The following FOXJ3 variants were observed in gnomAD, a reference collection of about 807,000 sequenced individuals.
The protein encoded by FOXJ3 is forkhead box protein J3.
Under a neutral mutation model 76.1 loss-of-function variants are expected in FOXJ3, and 22 were observed. That is an observed-to-expected ratio of 0.29 (90% CI 0.21 to 0.41). FOXJ3 has a LOEUF of 0.41. Among genes scored for constraint, FOXJ3 ranks in the 10% least tolerant of loss-of-function variants. The probability of loss-of-function intolerance (pLI) is 1.00; values close to 1 mark genes in which losing one functional copy is unlikely to be tolerated. For missense variants in FOXJ3, 613 were observed against 762.1 expected, an observed-to-expected ratio of 0.80 and a Z score of 2.30; for synonymous variants, 269 against 261.2, an observed-to-expected ratio of 1.03 and a Z score of -0.29.
chr1:42,276,311 G>T (rs927013306), intron 3 of FOXJ3, among the ~76,000 whole-genome samples: 1 of 151,966 alleles, frequency 6.6e-6, no homozygotes, highest in Admixed American at 6.6e-5. Flanking sequence ...AGCCGACATG[G>T]TGCCCCTGCA....
intron 2 of FOXJ3, among the ~76,000 whole-genome samples, chr1:42,288,255 G>A (rs1653190315): frequency 6.6e-6 from 1 of 152,150 alleles, no homozygotes; most frequent in South Asian, 2.1e-4. Flanking sequence ...CATCATCTTT[G>A]CAGCCGTAAT....
intron 4 of FOXJ3, among the ~76,000 whole-genome samples, chr1:42,256,173 C>T (rs1650572720): frequency 6.6e-6 from 1 of 152,186 alleles, no homozygotes; most frequent in African/African-American, 2.4e-5. Context: ...CATGACCGTA[C>T]TTGATTTCCT....
At chr1:42,231,282 C>G (rs750526307) in intron 4 of FOXJ3, among the ~76,000 whole-genome samples, 1 of 152,078 alleles carries the variant, frequency 6.6e-6, no homozygotes, top group Non-Finnish European at 1.5e-5. Context: ...GCCGAGATCA[C>G]GCCACTGCAC....
At chr1:42,184,531 A>T (rs1342842226) in intron 11 of FOXJ3, among the ~76,000 whole-genome samples, 1 of 152,082 alleles carries the variant, frequency 6.6e-6, no homozygotes, top group Non-Finnish European at 1.5e-5. Context: ...TTCCTATGTA[A>T]GAAATTAACT....
chr1:42,309,647 T>A lies in FOXJ3; in HGVS notation c.44+1403A>T, dbSNP rs914920270. Among the ~76,000 whole-genome samples the A allele has an allele frequency of 4.6e-5, 7 of 152,344 alleles. No individual in the cohort carries two copies. In the South Asian group the frequency reaches 6.2e-4, roughly 14 times the overall value. Reference sequence around the variant, plus strand: ...TGCTATGCCCCAACATTTAGAATAGTATCTGACAACAGTAGATGCTCAATA... The same window carrying A: ...TGCTATGCCCCAACATTTAGAATAGAATCTGACAACAGTAGATGCTCAATA... On this transcript the variant is annotated intron_variant, in intron 2 of 12. Transcript: ENST00000361346.
chr1:42,207,798 C>G (rs1419463707), intron 5 of FOXJ3, among the ~76,000 whole-genome samples: 3 of 152,148 alleles, frequency 2.0e-5, no homozygotes, highest in African/African-American at 7.2e-5. Context: ...CCAGAGCTAC[C>G]CCTACAAGCT....
intron 4 of FOXJ3, among the ~76,000 whole-genome samples, chr1:42,240,309 T>G (rs181261985): frequency 1.1e-4 from 16 of 152,314 alleles, no homozygotes; most frequent in African/African-American, 3.4e-4. Flanking sequence ...ATAGATTCAA[T>G]GTAAGTCCTA....
chr1:42,214,972 A>T (rs1030494115), intron 5 of FOXJ3, among the ~76,000 whole-genome samples: 1 of 152,250 alleles, frequency 6.6e-6, no homozygotes, highest in Non-Finnish European at 1.5e-5. Context: ...GTGAAAGAGA[A>T]AGCTTACAGT....
At position 42,302,801 on chromosome 1, in the gene FOXJ3, T is replaced by A. The variant is rs115087711; in HGVS notation, c.44+8249A>T. On this transcript the variant is annotated intron_variant, in intron 2 of 12. Transcript: ENST00000361346. ...GCACTGTTAGTAGGCATGTGTTTTA[T>A]ATTTAACTCTTAGTATATTCAGTGA... 4.1e-3 allele frequency among the ~76,000 whole-genome samples: 630 copies of A among 152,286 alleles called. 3 individuals carry two copies. The highest frequency in any genetic ancestry group is 0.014 in the African/African-American group (587 of 41,540).
At chr1:42,208,430 C>T (rs1353318169) in intron 5 of FOXJ3, among the ~76,000 whole-genome samples, 6 of 152,060 alleles carry the variant, frequency 3.9e-5, no homozygotes. Context: ...GAATCAAAGA[C>T]TAAAAGAATG....
rs561981794 is a variant in FOXJ3, at chr1:42,235,651, C to G, written c.445-7685G>C. 2.0e-3 allele frequency among the ~76,000 whole-genome samples: 305 copies of G among 152,198 alleles called. 2 individuals are homozygous for G. The highest frequency in any genetic ancestry group is 7.1e-3 in the African/African-American group (296 of 41,520). On this transcript the variant is annotated intron_variant, in intron 4 of 12. Transcript: ENST00000361346. ...AACCTCGGCTCACTGCAACCTCTGCCTCCTGGGGTCAAGCAAGTCTCCTGC... is the reference window on the plus strand; with the variant it reads ...AACCTCGGCTCACTGCAACCTCTGCGTCCTGGGGTCAAGCAAGTCTCCTGC...
chr1:42,189,590 C>A, intron 9 of FOXJ3, 186 bp from the exon 10 acceptor site: 1 of 485,480 alleles, frequency 2.1e-6, no homozygotes, highest in Non-Finnish European at 3.7e-6. Context: ...GGTATTATTT[C>A]TCTCCATTTT....
At chr1:42,235,107 C>G (rs896286139) in intron 4 of FOXJ3, among the ~76,000 whole-genome samples, 1 of 152,178 alleles carries the variant, frequency 6.6e-6, no homozygotes, top group Admixed American at 6.5e-5. Context: ...CAATAACGGG[C>G]GCCCCTCCCA....
At chr1:42,227,240 A>G (rs1647647358) in intron 5 of FOXJ3, among the ~76,000 whole-genome samples, 1 of 152,244 alleles carries the variant, frequency 6.6e-6, no homozygotes, top group Admixed American at 6.5e-5. Context: ...GGTAGGATGG[A>G]TATGTGTTTG....
intron 1 of FOXJ3, among the ~76,000 whole-genome samples, chr1:42,312,249 G>C (rs1198916034): frequency 6.6e-6 from 1 of 152,096 alleles, no homozygotes; most frequent in Non-Finnish European, 1.5e-5. Flanking sequence ...ATACAGATGG[G>C]GTTTTGCTAT....
intron 2 of FOXJ3, among the ~76,000 whole-genome samples, chr1:42,298,017 T>C (rs1653895824): frequency 6.6e-6 from 1 of 152,108 alleles, no homozygotes; most frequent in Non-Finnish European, 1.5e-5. Context: ...CCATGTGTCA[T>C]GGGAGGGTTC....
chr1:42,214,335 T>C (rs530924815), intron 5 of FOXJ3, among the ~76,000 whole-genome samples: 2 of 152,334 alleles, frequency 1.3e-5, no homozygotes, highest in Non-Finnish European at 2.9e-5. Context: ...AAAAGTAGTC[T>C]GATCGGTAAA....
intron 1 of FOXJ3, among the ~76,000 whole-genome samples, chr1:42,324,170 GTATATATAAATTCTAGGAA>G (rs1655667563): frequency 1.2e-5 from 1 of 80,216 alleles, no homozygotes; most frequent in African/African-American, 4.6e-5. Flanking sequence ...TGTATATATA[GTATATATAAATTCTAGGAA>G]TATATATACT....
At chr1:42,254,064 T>C (rs1033402946) in intron 4 of FOXJ3, among the ~76,000 whole-genome samples, 72 of 151,894 alleles carry the variant, frequency 4.7e-4, no homozygotes, top group African/African-American at 1.5e-3. Context: ...AACCTACTCA[T>C]CTGACAAAGG....
Sources: gnomAD v4.1 joint callset for allele counts (sites outside exome capture counted in the v4.1 genomes callset) on GRCh38, gnomAD v4.1.1 for gene constraint, MANE v1.5 for transcripts, NCBI Gene and HGNC (gene_info 2026-07-23, HGNC 2026-07-21) for gene names.